The following SEZ6 variants were observed in gnomAD, a reference collection of about 807,000 sequenced individuals.
SEZ6 encodes seizure related 6 homolog.
SEZ6 carries 53 observed loss-of-function variants against 101.0 expected under a neutral mutation model. The ratio of observed to expected loss-of-function variants is 0.52; its 90% CI spans 0.42 to 0.66. The LOEUF (loss-of-function observed/expected upper bound fraction) is 0.66, where lower values mean the gene tolerates loss of function less well. SEZ6 is among the 30% of genes least tolerant of loss of function. SEZ6 has a pLI of 0.00. For synonymous variants in SEZ6, 488 were observed against 512.2 expected, an observed-to-expected ratio of 0.95 and a Z score of 0.64; for missense variants, 1,102 against 1,289.4, an observed-to-expected ratio of 0.85 and a Z score of 2.23.
intron 1 of SEZ6, among the ~76,000 whole-genome samples, chr17:28,999,359 C>T (rs2041584319): frequency 1.3e-5 from 2 of 152,106 alleles, no homozygotes; most frequent in Admixed American, 6.5e-5. Context: ...TCATTCAGTC[C>T]CTGCTCATCT....
At position 28,964,036 on chromosome 17, in the gene SEZ6, AG is replaced by A; in HGVS notation, c.1165del (p.Leu389Ter). Reference protein sequence around the residue: ...ARFHCATGYQLKGARHLTCLN... With the variant: ...ARFHCATGYQXKGARHLTCLN... ...ACAGGTGAGATGCCTGGCGCCCTTC[AG>A]CTGGTAGCCAGTGGCACAATGGAAG... On this transcript the variant is annotated frameshift_variant, in exon 5 of 17. Transcript: ENST00000317338. LOFTEE classifies it high-confidence loss of function. 6.2e-7 allele frequency: 1 copy of A among 1,611,284 alleles called. No homozygotes were observed. Among genetic ancestry groups the A allele is most frequent in the Non-Finnish European group, 8.5e-7 (1 of 1,178,790 alleles).
At position 28,991,209 on chromosome 17, in the gene SEZ6, T is replaced by C. The variant is rs907464697; in HGVS notation, c.56-9170A>G. On this transcript the variant is annotated intron_variant, in intron 1 of 16. Coordinates refer to ENST00000317338, the MANE Select transcript of SEZ6 (RefSeq NM_178860.5). ...CGTGAGCCACCACTCCCAGCCTCCA[T>C]TTATTTATTTATTGAGACGGAATCT... Among the ~76,000 whole-genome samples the C allele has an allele frequency of 4.1e-5, 6 of 147,734 alleles. No homozygotes were observed. The South Asian group carries it at 8.6e-4, about 21-fold the overall frequency.
At chr17:28,986,506 C>T (rs1404353396) in intron 1 of SEZ6, among the ~76,000 whole-genome samples, 1 of 152,210 alleles carries the variant, frequency 6.6e-6, no homozygotes, top group Non-Finnish European at 1.5e-5. Flanking sequence ...GTGTTATGGC[C>T]TCTGTCTTAT....
chr17:29,001,980 G>C (rs907303711), intron 1 of SEZ6, among the ~76,000 whole-genome samples: 1 of 152,214 alleles, frequency 6.6e-6, no homozygotes, highest in African/African-American at 2.4e-5. Flanking sequence ...GAGGACAGGG[G>C]TATATGTGAG....
intron 1 of SEZ6, among the ~76,000 whole-genome samples, chr17:29,004,012 C>T (rs1338137396): frequency 6.6e-6 from 1 of 152,176 alleles, no homozygotes; most frequent in African/African-American, 2.4e-5. Flanking sequence ...TCCTGGATTC[C>T]CACAGTCTCA....
At position 28,960,539 on chromosome 17, in the gene SEZ6, G is replaced by T. The variant is rs201843594; in HGVS notation, c.1542C>A (p.Ser514Arg). 6.3e-7 allele frequency: 1 copy of T among 1,592,974 alleles called. No individual in the cohort carries two copies. The highest frequency in any genetic ancestry group is 8.5e-7 in the Non-Finnish European group (1 of 1,170,198). ...HFFVELSTDS[S>R]GAAAGMALRY... ...GCAGGGCCATGCCTGCAGCTGCCCC[G>T]CTGCTGTCAGTACTGAGCTCAACAA... Residue 514 changes from serine (S) to arginine (R), a missense_variant, in exon 7 of 17, where the codon AGC becomes AGA. Around this residue, in one of 3 missense-constraint regions of SEZ6, gnomAD observed 556 missense variants for 735.1 expected, o/e 0.76. Coordinates refer to ENST00000317338, the MANE Select transcript of SEZ6 (RefSeq NM_178860.5).
In SEZ6 at chr17:28,957,448, G is replaced by A; in HGVS notation, c.2394C>T (p.Ile798=). 6.2e-7 allele frequency: 1 copy of A among 1,613,796 alleles called. No individual in the cohort carries two copies. Among genetic ancestry groups the A allele is most frequent in the Non-Finnish European group, 8.5e-7 (1 of 1,179,716 alleles). The part of the protein sequence containing the change: ...KFPVGATVQY[I]CDQGFVLMGS... Reference sequence around the variant, plus strand: ...CCATCAGCACAAAACCCTGGTCACAGATATATTGCACGGTGGCCCCCACGG... The same window carrying A: ...CCATCAGCACAAAACCCTGGTCACAAATATATTGCACGGTGGCCCCCACGG... Residue 798 remains isoleucine, a synonymous_variant, in exon 12 of 17, where the codon ATC becomes ATT. Coordinates refer to ENST00000317338, the MANE Select transcript of SEZ6 (RefSeq NM_178860.5).
intron 4 of SEZ6, 108 bp from the exon 5 acceptor site, chr17:28,964,255 G>C: frequency 8.3e-7 from 1 of 1,199,502 alleles, no homozygotes; most frequent in Non-Finnish European, 1.2e-6. Context: ...TGTCATTTGG[G>C]GCCAGAGGAA....
intron 1 of SEZ6, among the ~76,000 whole-genome samples, chr17:29,003,824 C>T (rs780493502): frequency 1.8e-4 from 28 of 152,212 alleles, no homozygotes; most frequent in Non-Finnish European, 3.8e-4. Context: ...CAGCCAGACT[C>T]CTACCCCACA....
At chr17:28,994,323 T>A (rs1460275576) in intron 1 of SEZ6, among the ~76,000 whole-genome samples, 1 of 152,134 alleles carries the variant, frequency 6.6e-6, no homozygotes, top group Non-Finnish European at 1.5e-5. Flanking sequence ...TCACCCAGGC[T>A]GGAGTACAGT....
At chr17:28,979,253 A>G (rs1043008072) in intron 3 of SEZ6, among the ~76,000 whole-genome samples, 2 of 152,144 alleles carry the variant, frequency 1.3e-5, no homozygotes, top group African/African-American at 2.4e-5. Flanking sequence ...TGATGGTGTA[A>G]TCAGGTCTGT....
chr17:28,969,878 C>G lies in SEZ6; in HGVS notation c.933G>C (p.Leu311=). The G allele has an allele frequency of 6.5e-7, 1 of 1,541,544 alleles. No individual in the cohort carries two copies. The highest frequency in any genetic ancestry group is 8.7e-7 in the Non-Finnish European group (1 of 1,152,908). The change falls in exon 4 of 17, where the codon CTG becomes CTC. Residue 311 remains leucine, a synonymous_variant. Transcript: ENST00000317338. ...CCCGCAGCAGGAAAGACTGGTTGGC[C>G]AGGGGCAGTGGGTCAGGCCCCCCCA... ...EGLGGPDPLP[L]ANQSFLLRGQ...
chr17:28,991,685 T>C (rs1352655412), intron 1 of SEZ6, among the ~76,000 whole-genome samples: 2 of 152,130 alleles, frequency 1.3e-5, no homozygotes, highest in African/African-American at 4.8e-5. Flanking sequence ...CTGGGAAAAC[T>C]GCGGCTTGGG....
rs369301551 is a variant in SEZ6 at position 29,005,453 on chromosome 17, C to T, written c.55+362G>A. Among the ~76,000 whole-genome samples the T allele has an allele frequency of 6.6e-6, 1 of 152,096 alleles. No individual in the cohort carries two copies. The highest frequency in any genetic ancestry group is 2.4e-5 in the African/African-American group (1 of 41,428). ...GACCGTCCCGACTCACTGCCTTGCG[C>T]CCCCCGGCACGCGCCCCAGCACCCT... On this transcript the variant is annotated intron_variant, in intron 1 of 16. Coordinates refer to ENST00000317338, the MANE Select transcript of SEZ6 (RefSeq NM_178860.5). The surrounding 1 kb of genome is among the most constrained non-coding windows in gnomAD (Gnocchi z 4.8).
chr17:28,992,377 C>T (rs370972626), intron 1 of SEZ6, among the ~76,000 whole-genome samples: 5 of 151,894 alleles, frequency 3.3e-5, no homozygotes, highest in South Asian at 2.1e-4. Flanking sequence ...TGTGTGTGGG[C>T]GTACGTGTGT....
At chr17:28,956,941 A>G in intron 13 of SEZ6, 104 bp downstream of exon 13, 1 of 1,384,338 alleles carries the variant, frequency 7.2e-7, no homozygotes, top group Non-Finnish European at 9.8e-7. Context: ...CAAGGGTAAC[A>G]TGAAGGTGGC....
At chr17:28,958,256 G>A in intron 10 of SEZ6, 115 bp from the exon 11 acceptor site, 1 of 1,252,552 alleles carries the variant, frequency 8.0e-7, no homozygotes, top group Non-Finnish European at 1.1e-6. Context: ...GACTGTCCTG[G>A]GCGGGCTCAG....
At chr17:29,004,684 A>G (rs1226638077) in intron 1 of SEZ6, among the ~76,000 whole-genome samples, 2 of 152,148 alleles carry the variant, frequency 1.3e-5, no homozygotes, top group Admixed American at 6.5e-5. Context: ...CACACTTCAC[A>G]TCAGGCCCTT....
intron 4 of SEZ6, among the ~76,000 whole-genome samples, chr17:28,968,104 C>T (rs1810935138): frequency 6.6e-6 from 1 of 152,306 alleles, no homozygotes; most frequent in South Asian, 2.1e-4. Context: ...TTGGACAGCT[C>T]GAGCACAGGT....
Sources: gnomAD v4.1 joint callset for allele counts (sites outside exome capture counted in the v4.1 genomes callset) on GRCh38, gnomAD v4.1.1 for gene constraint, gnomAD v4.1.1 regional missense constraint, Gnocchi (gnomAD v3.1) non-coding constraint, MANE v1.5 for transcripts, NCBI Gene and HGNC (gene_info 2026-07-23, HGNC 2026-07-21) for gene names.